The following ADAMTSL1 variants were observed in gnomAD, a reference collection of about 807,000 sequenced individuals.
The protein encoded by ADAMTSL1 is ADAMTS like 1.
A neutral mutation model predicts 201.8 loss-of-function variants in ADAMTSL1; 126 were observed. That is an observed-to-expected ratio of 0.62 (90% CI 0.54 to 0.72). The LOEUF (loss-of-function observed/expected upper bound fraction) is 0.72, where lower values mean the gene tolerates loss of function less well. ADAMTSL1 is among the 30% of genes least tolerant of loss of function. The pLI is 0.00. For missense variants in ADAMTSL1, 2,679 were observed against 2,277.8 expected (o/e 1.18, Z -3.59); for synonymous variants, 1,121 against 903.4 (o/e 1.24, Z -4.32).
At chr9:17,988,546 T>G (rs1563935898) in intron 1 of ADAMTSL1, among the ~76,000 whole-genome samples, 7 of 151,532 alleles carry the variant, frequency 4.6e-5, no homozygotes, top group Admixed American at 3.9e-4. Flanking sequence ...ATCCCCTTAT[T>G]GTTCTTTTTT....
chr9:18,575,594 G>A (rs1822661205), intron 4 of ADAMTSL1, among the ~76,000 whole-genome samples: 1 of 152,184 alleles, frequency 6.6e-6, no homozygotes, highest in South Asian at 2.1e-4. Context: ...TTTAGGAATA[G>A]TAGAGAATTG....
intron 1 of ADAMTSL1, among the ~76,000 whole-genome samples, chr9:18,016,444 T>C (rs1429090899): frequency 6.6e-6 from 1 of 151,946 alleles, no homozygotes; most frequent in Non-Finnish European, 1.5e-5. Flanking sequence ...ATGGATTCCA[T>C]TGTACTTGAA....
Position 18,817,210 on chromosome 9 carries a change from A to C in ADAMTSL1, c.3907A>C (p.Asn1303His). The change falls in exon 21 of 29, where the codon AAT (asparagine) becomes CAT (histidine). Residue 1303 changes from asparagine to histidine, a missense_variant. Coordinates refer to ENST00000380548, the MANE Select transcript of ADAMTSL1 (RefSeq NM_001040272.6). ...CACCATCAAAACAGTGCAGGGAGTG[A>C]ATGTGACAATCAACTGCCAGGTTGC... Reference protein sequence around the residue: ...GSTIKTVQGVNVTINCQVAGV... With the variant: ...GSTIKTVQGVHVTINCQVAGV... The C allele has an allele frequency of 1.3e-6, 2 of 1,560,574 alleles. No homozygotes were observed.
At chr9:18,076,545 A>G (rs1198042989) in intron 1 of ADAMTSL1, among the ~76,000 whole-genome samples, 2 of 152,234 alleles carry the variant, frequency 1.3e-5, no homozygotes, top group Non-Finnish European at 2.9e-5. Context: ...GGAGCTGGAC[A>G]TTAGGAAGCT....
At chr9:18,670,945 G>A (rs1289248868) in intron 9 of ADAMTSL1, among the ~76,000 whole-genome samples, 1 of 148,454 alleles carries the variant, frequency 6.7e-6, no homozygotes, top group Non-Finnish European at 1.5e-5. Flanking sequence ...GTATTTGAAT[G>A]TGACTTATAT....
At chr9:18,219,146 C>T (rs1024619446) in intron 2 of ADAMTSL1, among the ~76,000 whole-genome samples, 5 of 151,746 alleles carry the variant, frequency 3.3e-5, no homozygotes, top group South Asian at 2.1e-4. Flanking sequence ...TAATGAATCC[C>T]GCCATATTAT....
intron 2 of ADAMTSL1, among the ~76,000 whole-genome samples, chr9:18,177,330 A>C (rs183087336): frequency 6.6e-6 from 1 of 152,266 alleles, no homozygotes; most frequent in Admixed American, 6.5e-5. Context: ...TAGTAGAAGA[A>C]ATTCGCCTTA....
chr9:18,052,565 C>T (rs1348813445), intron 1 of ADAMTSL1, among the ~76,000 whole-genome samples: 2 of 152,148 alleles, frequency 1.3e-5, no homozygotes, highest in Non-Finnish European at 2.9e-5. Flanking sequence ...TCTGTGCCTC[C>T]CATCAGGCTG....
intron 9 of ADAMTSL1, among the ~76,000 whole-genome samples, chr9:18,674,215 CACACACAA>C (rs1394235317): frequency 2.8e-4 from 40 of 145,270 alleles, no homozygotes; most frequent in African/African-American, 6.3e-4. Context: ...CACACACACA[CACACACAA>C]ACACACACAT....
chr9:18,637,038 A>G (rs1435456039), intron 6 of ADAMTSL1, among the ~76,000 whole-genome samples: 1 of 152,124 alleles, frequency 6.6e-6, no homozygotes, highest in Non-Finnish European at 1.5e-5. Context: ...AAAAGTCAAG[A>G]TAGCCTACAG....
At chr9:18,373,722 A>G (rs144012988) in intron 2 of ADAMTSL1, among the ~76,000 whole-genome samples, 224 of 152,300 alleles carry the variant, frequency 1.5e-3, no homozygotes, top group Non-Finnish European at 2.5e-3. Context: ...CCAGGCTAAT[A>G]CAAAGGACAT....
intron 15 of ADAMTSL1, among the ~76,000 whole-genome samples, chr9:18,733,075 G>A (rs1818306785): frequency 6.6e-6 from 1 of 152,102 alleles, no homozygotes; most frequent in Admixed American, 6.6e-5. Context: ...GAGAACCTGA[G>A]GCTGTCTGTC....
chr9:18,157,390 T>C (rs1827201954), intron 1 of ADAMTSL1, among the ~76,000 whole-genome samples: 1 of 152,024 alleles, frequency 6.6e-6, no homozygotes, highest in African/African-American at 2.4e-5. Flanking sequence ...AAAGTAGGTA[T>C]GCCTTTAAAC....
intron 1 of ADAMTSL1, among the ~76,000 whole-genome samples, chr9:18,077,362 G>T (rs1586994223): frequency 6.6e-6 from 1 of 152,168 alleles, no homozygotes; most frequent in Admixed American, 6.5e-5. Flanking sequence ...CCCTTATTGA[G>T]TGTTCATGGA....
chr9:18,017,550 T>C (rs770997401), intron 1 of ADAMTSL1, among the ~76,000 whole-genome samples: 6 of 151,968 alleles, frequency 3.9e-5, no homozygotes, highest in Admixed American at 2.6e-4. Flanking sequence ...CTCTCTTCTC[T>C]TAAATTTGGC....
At chr9:18,026,995 T>C (rs1820724927) in intron 1 of ADAMTSL1, among the ~76,000 whole-genome samples, 1 of 152,086 alleles carries the variant, frequency 6.6e-6, no homozygotes, top group South Asian at 2.1e-4. Context: ...TTTGTATCCA[T>C]AGAGGTGTTC....
chr9:18,586,934 C>CA (rs1211294690), intron 4 of ADAMTSL1, among the ~76,000 whole-genome samples: 2 of 151,806 alleles, frequency 1.3e-5, no homozygotes, highest in Non-Finnish European at 1.5e-5. Flanking sequence ...ATATCATAGA[C>CA]AAAAATTAAC....
intron 1 of ADAMTSL1, among the ~76,000 whole-genome samples, chr9:17,981,478 A>C (rs1203165113): frequency 1.3e-5 from 2 of 152,126 alleles, no homozygotes; most frequent in Admixed American, 1.3e-4. Context: ...CTGGTTCTTG[A>C]TCATGCTGCC....
At position 17,983,195 on chromosome 9, in the gene ADAMTSL1, C is replaced by T. The variant is rs564403811; in HGVS notation, c.87+76273C>T. Among the ~76,000 whole-genome samples the T allele has an allele frequency of 2.2e-3, 341 of 151,768 alleles. 1 individual carries two copies. Among genetic ancestry groups the T allele is most frequent in the Admixed American group, 5.3e-3 (81 of 15,242 alleles). ...AAGCGATTCTCCTGCCTCAGCCTCC[C>T]GAGCAGCTGGGACTACAGGTGGGCA... On this transcript the variant is annotated intron_variant, in intron 1 of 29. Transcript: ENST00000680146.
Sources: gnomAD v4.1 joint callset for allele counts (sites outside exome capture counted in the v4.1 genomes callset) on GRCh38, gnomAD v4.1.1 for gene constraint, MANE v1.5 for transcripts, NCBI Gene and HGNC (gene_info 2026-07-23, HGNC 2026-07-21) for gene names.